The following SST variants were observed in gnomAD, a reference collection of about 807,000 sequenced individuals.
The protein encoded by SST is growth hormone release-inhibiting factor.
SST carries 7 observed loss-of-function variants against 10.4 expected under a neutral mutation model. The observed-to-expected ratio is 0.67, with a 90% CI of 0.38 to 1.26. SST has a LOEUF of 1.26. Ranked by LOEUF, SST falls within the 50% of genes most tolerant of loss-of-function variation. The probability of loss-of-function intolerance (pLI) is 0.02; values close to 1 mark genes in which losing one functional copy is unlikely to be tolerated. For missense variants in SST, 145 were observed against 140.8 expected, an observed-to-expected ratio of 1.03 and a Z score of -0.15; for synonymous variants, 63 against 63.9, an observed-to-expected ratio of 0.99 and a Z score of 0.07.
rs765940052 is a variant in SST at position 187,669,274 on chromosome 3, G to A, written c.142C>T (p.Leu48=). 3.1e-6 allele frequency: 5 copies of A among 1,613,498 alleles called. No individual in the cohort carries two copies. In the South Asian group the frequency reaches 5.5e-5, roughly 18 times the overall value. Residue 48 remains leucine, a synonymous_variant, in exon 2 of 2, where the codon CTG becomes TTG. Transcript: ENST00000287641. ...SLAAAAGKQE[L]AKYFLAELLS... is the part of the protein sequence containing the mutation. Reference sequence around the variant, plus strand: ...AGCTCTGCCAAGAAGTACTTGGCCAGTTCCTGTATAGGGCAGAAGGGATAG... The same window carrying A: ...AGCTCTGCCAAGAAGTACTTGGCCAATTCCTGTATAGGGCAGAAGGGATAG...
At position 187,669,183 on chromosome 3, in the gene SST, T is replaced by A. The variant is rs1717178009; in HGVS notation, c.233A>T (p.Glu78Val). The A allele has an allele frequency of 4.3e-6, 7 of 1,613,890 alleles. No homozygotes were observed. Among genetic ancestry groups the A allele is most frequent in the Non-Finnish European group, 5.9e-6 (7 of 1,180,040 alleles). ...CAGCTCAAGCCTCATTTCATCCTGCTCAGCAGCCTGGGACAGATCTTCAGG... is the reference window on the plus strand; with the variant it reads ...CAGCTCAAGCCTCATTTCATCCTGCACAGCAGCCTGGGACAGATCTTCAGG... ...LEPEDLSQAA[E>V]QDEMRLELQR... Residue 78 changes from glutamate (E) to valine (V), a missense_variant, in exon 2 of 2, where the codon GAG (glutamate) becomes GTG (valine). Transcript: ENST00000287641.
rs1182159192 is a variant in SST, at chr3:187,670,160, C to T, written c.132G>A (p.Gly44=). The T allele has an allele frequency of 1.3e-6, 2 of 1,587,480 alleles. No homozygotes were observed. The highest frequency in any genetic ancestry group is 1.7e-6 in the Non-Finnish European group (2 of 1,167,150). Residue 44 remains glycine, a synonymous_variant, in exon 1 of 2, where the codon GGG becomes GGA. Coordinates refer to ENST00000287641, the MANE Select transcript of SST (RefSeq NM_001048.4). The part of the protein sequence containing the change: ...FLQKSLAAAA[G]KQELAKYFLA... ...GTCGAGGGAGTCTCCTTACCTGCTTCCCCGCGGCAGCAGCCAGGGACTTCT... is the reference window on the plus strand; with the variant it reads ...GTCGAGGGAGTCTCCTTACCTGCTTTCCCGCGGCAGCAGCCAGGGACTTCT...
In SST at chr3:187,669,040, A is replaced by G; in HGVS notation, c.*25T>C. ...GTGGGGGCGAGGGATCAGAGGTCTG[A>G]TATGGACAATACTAGTTAAGAAAGC... On this transcript the variant is annotated 3_prime_UTR_variant, in exon 2 of 2. Coordinates refer to ENST00000287641, the MANE Select transcript of SST (RefSeq NM_001048.4). 10 of 1,612,496 alleles carry G rather than the reference A, an allele frequency of 6.2e-6. No homozygotes were observed. Among genetic ancestry groups the G allele is most frequent in the Non-Finnish European group, 8.5e-6 (10 of 1,178,604 alleles).
intron 1 of SST, among the ~76,000 whole-genome samples, chr3:187,669,539 CACACACACACACACGCACAA>C (rs1717187068): frequency 7.2e-6 from 1 of 139,450 alleles, no homozygotes; most frequent in African/African-American, 2.9e-5. Flanking sequence ...AACACACACA[CACACACACACACACGCACAA>C]ACACACACAC....
In SST at chr3:187,669,277, C is replaced by T. The variant is rs1437560183; in HGVS notation, c.139G>A (p.Glu47Lys). 2 of 1,612,890 alleles carry T rather than the reference C, an allele frequency of 1.2e-6. No homozygotes were observed. Among genetic ancestry groups the T allele is most frequent in the Admixed American group, 3.3e-5 (2 of 59,900 alleles). ...KSLAAAAGKQ[E>K]LAKYFLAELL... is the part of the protein sequence containing the mutation. ...TCTGCCAAGAAGTACTTGGCCAGTTCCTGTATAGGGCAGAAGGGATAGAAA... is the reference window on the plus strand; with the variant it reads ...TCTGCCAAGAAGTACTTGGCCAGTTTCTGTATAGGGCAGAAGGGATAGAAA... The change falls in exon 2 of 2, where the codon GAA (glutamate) becomes AAA (lysine). Residue 47 changes from glutamate (E) to lysine (K), a missense_variant and splice_region_variant. Coordinates refer to ENST00000287641, the MANE Select transcript of SST (RefSeq NM_001048.4).
At chr3:187,670,061 G>GGACT in intron 1 of SST, 93 bp downstream of exon 1, 1 of 1,379,586 alleles carries the variant, frequency 7.2e-7, no homozygotes, top group Non-Finnish European at 9.8e-7. Context: ...CTCTTTAGAA[G>GGACT]GACTGAGCAT....
chr3:187,669,838 C>A (rs547351033), intron 1 of SST, among the ~76,000 whole-genome samples: 50 of 152,262 alleles, frequency 3.3e-4, no homozygotes, highest in African/African-American at 1.2e-3. Flanking sequence ...GTCAGCGCTT[C>A]CCAGGGTCAG....
chr3:187,669,887 A>T (rs931449237), intron 1 of SST, among the ~76,000 whole-genome samples: 3 of 152,132 alleles, frequency 2.0e-5, no homozygotes, highest in Non-Finnish European at 4.4e-5. Flanking sequence ...GTGCCCAGAC[A>T]ACTACCCAGA....
At chr3:187,669,557 CAA>C (rs1491411322) in intron 1 of SST, among the ~76,000 whole-genome samples, 2,195 of 130,536 alleles carry the variant, frequency 0.017, 45 homozygotes, top group African/African-American at 0.065. Flanking sequence ...CACACACGCA[CAA>C]ACACACACAC....
In SST at chr3:187,668,975, C is replaced by A. The variant is rs1049886122; in HGVS notation, c.*90G>T. The A allele has an allele frequency of 2.5e-6, 3 of 1,195,328 alleles. No homozygotes were observed. The highest frequency in any genetic ancestry group is 1.5e-5 in the African/African-American group (1 of 66,322). 74.0% of individuals were successfully genotyped at this position (1,195,328 alleles called of 1,614,324 possible). On this transcript the variant is annotated 3_prime_UTR_variant, in exon 2 of 2. Transcript: ENST00000287641. ...AGTTTTCAGTTTCTAATGCAAGGGT[C>A]TCGCTGAAGACTTGGAGGATTAGGG...
intron 1 of SST, 40 bp from the exon 2 acceptor site, chr3:187,669,317 A>G (rs1324191753): frequency 6.3e-7 from 1 of 1,591,516 alleles, no homozygotes; most frequent in Admixed American, 1.7e-5. Context: ...GAGAAAGAGA[A>G]GTGGGGAGGA....
intron 1 of SST, among the ~76,000 whole-genome samples, 175 bp downstream of exon 1, chr3:187,669,979 A>T (rs1717198996): frequency 1.3e-5 from 2 of 152,206 alleles, no homozygotes; most frequent in African/African-American, 4.8e-5. Flanking sequence ...AAAAAGAGTT[A>T]GAAGGGGATT....
chr3:187,669,015 G>T lies in SST; in HGVS notation c.*50C>A. 1 of 1,563,244 alleles carries T rather than the reference G, an allele frequency of 6.4e-7. No homozygotes were observed. The highest frequency in any genetic ancestry group is 8.8e-7 in the Non-Finnish European group (1 of 1,134,114). ...GAGGATTAGGGAAGAGAGATGGGGTGTGGGGGCGAGGGATCAGAGGTCTGA... is the reference window on the plus strand; with the variant it reads ...GAGGATTAGGGAAGAGAGATGGGGTTTGGGGGCGAGGGATCAGAGGTCTGA... On this transcript the variant is annotated 3_prime_UTR_variant, in exon 2 of 2. Transcript: ENST00000287641.
In SST at chr3:187,669,050, T is replaced by C. The variant is rs1459137271; in HGVS notation, c.*15A>G. The C allele has an allele frequency of 6.2e-7, 1 of 1,613,486 alleles. No individual in the cohort carries two copies. The highest frequency in any genetic ancestry group is 8.5e-7 in the Non-Finnish European group (1 of 1,179,712). On this transcript the variant is annotated 3_prime_UTR_variant, in exon 2 of 2. Transcript: ENST00000287641. The stretch of plus-strand genomic sequence containing the variant: ...GGGATCAGAGGTCTGATATGGACAA[T>C]ACTAGTTAAGAAAGCTAACAGGATG...
rs1286744187 is a variant in SST at position 187,669,035 on chromosome 3, G to T, written c.*30C>A. ...GGGGTGTGGGGGCGAGGGATCAGAG[G>T]TCTGATATGGACAATACTAGTTAAG... On this transcript the variant is annotated 3_prime_UTR_variant, in exon 2 of 2. Transcript: ENST00000287641. The T allele has an allele frequency of 2.5e-6, 4 of 1,603,996 alleles. No individual in the cohort carries two copies. Among genetic ancestry groups the T allele is most frequent in the Non-Finnish European group, 3.4e-6 (4 of 1,170,968 alleles).
At chr3:187,669,332 G>A in intron 1 of SST, 55 bp from the exon 2 acceptor site, 1 of 1,544,684 alleles carries the variant, frequency 6.5e-7, no homozygotes, top group South Asian at 1.2e-5. Flanking sequence ...GGAGGACAAT[G>A]GAAAAAATTT....
Position 187,668,950 on chromosome 3 carries a change from A to G in SST, c.*115T>C, listed in dbSNP as rs1303765590. The G allele has an allele frequency of 1.3e-5, 12 of 921,062 alleles. No individual in the cohort carries two copies. Among genetic ancestry groups the G allele is most frequent in the South Asian group, 2.9e-5 (2 of 68,656 alleles). 57.1% of individuals were successfully genotyped at this position (921,062 alleles called of 1,614,324 possible). ...CACCATAATTTTATTTTGTATTTAC[A>G]GTTTTCAGTTTCTAATGCAAGGGTC... On this transcript the variant is annotated 3_prime_UTR_variant, in exon 2 of 2. Transcript: ENST00000287641.
intron 1 of SST, among the ~76,000 whole-genome samples, chr3:187,669,660 G>A (rs73886434): frequency 0.11 from 17,279 of 151,982 alleles, 1,003 homozygotes; most frequent in South Asian, 0.14. Context: ...CTACAAAGTA[G>A]AATTGTTTTA....
intron 1 of SST, among the ~76,000 whole-genome samples, chr3:187,669,529 AACACACACAC>A (rs57361717): frequency 2.0e-5 from 3 of 147,250 alleles, no homozygotes; most frequent in African/African-American, 5.0e-5. Flanking sequence ...CTGTAGACTT[AACACACACAC>A]ACACACACAC....
Sources: gnomAD v4.1 joint callset for allele counts (sites outside exome capture counted in the v4.1 genomes callset) on GRCh38, gnomAD v4.1.1 for gene constraint, MANE v1.5 for transcripts, NCBI Gene and HGNC (gene_info 2026-07-23, HGNC 2026-07-21) for gene names.